Variants in CAMTA1 observed in about 807,000 individuals in gnomAD.
CAMTA1 encodes calmodulin-binding transcription activator 1.
A neutral mutation model predicts 170.9 loss-of-function variants in CAMTA1; 27 were observed. The ratio of observed to expected loss-of-function variants is 0.16; its 90% confidence interval spans 0.12 to 0.22. The LOEUF (loss-of-function observed/expected upper bound fraction) is 0.22. CAMTA1 is among the 10% of genes least tolerant of loss of function. CAMTA1 has a pLI of 1.00. For synonymous variants in CAMTA1, 833 were observed against 891.5 expected, an observed-to-expected ratio of 0.93 and a Z score of 1.17; for missense variants, 1,619 against 2,217.2, an observed-to-expected ratio of 0.73 and a Z score of 5.42.
chr1:7,078,273 A>T (rs1639570411), intron 3 of CAMTA1, among the ~76,000 whole-genome samples: 1 of 152,200 alleles, frequency 6.6e-6, no homozygotes, highest in Admixed American at 6.5e-5. Context: ...ACTGTTCTGG[A>T]AGGACTTATA....
chr1:7,433,729 G>A (rs759686093), intron 5 of CAMTA1, among the ~76,000 whole-genome samples: 17 of 152,194 alleles, frequency 1.1e-4, no homozygotes, highest in African/African-American at 3.4e-4. Context: ...ATTAGTGGCC[G>A]CCAGTGGTTA....
intron 5 of CAMTA1, among the ~76,000 whole-genome samples, chr1:7,284,908 G>A (rs1435169013): frequency 1.3e-5 from 2 of 152,210 alleles, no homozygotes; most frequent in East Asian, 3.8e-4. Context: ...CACAGAACTC[G>A]TGCAAGGAAG....
Position 7,592,957 on chromosome 1 carries a change from C to T in CAMTA1, c.511-47443C>T, listed in dbSNP as rs1021834104. Among the ~76,000 whole-genome samples, 2 of 152,170 alleles carry T rather than the reference C, an allele frequency of 1.3e-5. No homozygotes were observed. Among genetic ancestry groups the T allele is most frequent in the African/African-American group, 4.8e-5 (2 of 41,436 alleles). On this transcript the variant is annotated intron_variant, in intron 6 of 22. Transcript: ENST00000303635. This position sits in a 1 kb window ranked among gnomAD's most constrained non-coding sequence, Gnocchi z 4.6. ...TGCTGTTCCAAGGAGGAAACTGATG[C>T]TCAGAGGCTTATTAAGGAATGTGTC...
intron 3 of CAMTA1, among the ~76,000 whole-genome samples, chr1:7,021,315 C>T (rs555023578): frequency 1.3e-5 from 2 of 152,316 alleles, no homozygotes; most frequent in African/African-American, 2.4e-5. Context: ...GCACCTGAAC[C>T]GGGAGTCTGG....
At chr1:7,104,099 C>A (rs1643269165) in intron 4 of CAMTA1, among the ~76,000 whole-genome samples, 1 of 146,130 alleles carries the variant, frequency 6.8e-6, no homozygotes, top group South Asian at 2.3e-4. Context: ...CACACATACA[C>A]AACTACACAC....
chr1:7,624,811 G>A (rs757291824), intron 6 of CAMTA1, among the ~76,000 whole-genome samples: 1 of 152,252 alleles, frequency 6.6e-6, no homozygotes, highest in Admixed American at 6.5e-5. Flanking sequence ...TGGAAAGAGT[G>A]AGGCTGGCTG....
At chr1:7,191,150 G>A (rs2148947819) in intron 4 of CAMTA1, among the ~76,000 whole-genome samples, 1 of 152,350 alleles carries the variant, frequency 6.6e-6, no homozygotes. Flanking sequence ...GGCATGGGAA[G>A]AGTGCCAGGA....
chr1:7,249,917 G>A lies in CAMTA1; in HGVS notation c.438+291G>A, dbSNP rs1399212324. Among the ~76,000 whole-genome samples, 3 of 152,100 alleles carry A rather than the reference G, an allele frequency of 2.0e-5. No individual in the cohort carries two copies. The highest frequency in any genetic ancestry group is 4.4e-5 in the Non-Finnish European group (3 of 68,024). ...TGGACTCATTTGTTGTATTTATCAC[G>A]GAAGAGCCTCTGGATGCATTGAGAG... On this transcript the variant is annotated intron_variant, in intron 5 of 22. Transcript: ENST00000303635. The surrounding 1 kb of genome is among the most constrained non-coding windows in gnomAD (Gnocchi z 4.4).
intron 5 of CAMTA1, among the ~76,000 whole-genome samples, chr1:7,429,104 T>C (rs765839310): frequency 6.6e-6 from 1 of 152,166 alleles, no homozygotes; most frequent in Non-Finnish European, 1.5e-5. Flanking sequence ...GTTGTCAGAA[T>C]TTGGGAGCCA....
At chr1:7,091,605 C>G (rs12070592) in intron 4 of CAMTA1, among the ~76,000 whole-genome samples, 2 of 152,072 alleles carry the variant, frequency 1.3e-5, no homozygotes, top group African/African-American at 4.8e-5. Flanking sequence ...TTTAACCTGA[C>G]GGCTGCATCC....
At chr1:6,786,770 G>A (rs1204100467) in intron 1 of CAMTA1, among the ~76,000 whole-genome samples, 1 of 152,022 alleles carries the variant, frequency 6.6e-6, no homozygotes, top group African/African-American at 2.4e-5. Flanking sequence ...CTCTCTTCTC[G>A]GAGTTCCTTG....
chr1:7,669,834 AG>A lies in CAMTA1; in HGVS notation c.2653-1076del, dbSNP rs549009329. ...GAGAGCCTCCCTCTACTCAGTGACC[AG>A]CCCCTCTCCTCGGCTAAGCCGTAAG... On this transcript the variant is annotated intron_variant, in intron 9 of 22. Coordinates refer to ENST00000303635, the MANE Select transcript of CAMTA1 (RefSeq NM_015215.4). Among the ~76,000 whole-genome samples the A allele has an allele frequency of 1.7e-4, 26 of 152,312 alleles. 1 individual carries two copies. The South Asian group carries it at 5.0e-3, about 29-fold the overall frequency.
Position 7,007,439 on chromosome 1 carries a change from A to G in CAMTA1, c.235-83865A>G, listed in dbSNP as rs75798909. Among the ~76,000 whole-genome samples, 978 of 152,262 alleles carry G rather than the reference A, an allele frequency of 6.4e-3. 7 individuals are homozygous for G. Among genetic ancestry groups the G allele is most frequent in the African/African-American group, 0.022 (909 of 41,558 alleles). ...TGAGCCAGCCTTGTGGGGCAACAGA[A>G]TGTCACACCCAGGTCCTTCCCTCGC... On this transcript the variant is annotated intron_variant, in intron 3 of 22. Coordinates refer to ENST00000303635, the MANE Select transcript of CAMTA1 (RefSeq NM_015215.4). The surrounding 1 kb of genome is among the most constrained non-coding windows in gnomAD (Gnocchi z 4.5).
At chr1:7,499,373 GTA>G (rs375140418) in intron 6 of CAMTA1, among the ~76,000 whole-genome samples, 1,758 of 144,630 alleles carry the variant, frequency 0.012, 51 homozygotes, top group South Asian at 0.021. Flanking sequence ...GCGTGTGTAT[GTA>G]TATGAGTGTG....
chr1:7,199,158 C>T (rs1187834516), intron 4 of CAMTA1, among the ~76,000 whole-genome samples: 2 of 20,080 alleles, frequency 1.0e-4, no homozygotes, highest in Non-Finnish European at 1.9e-4. Context: ...TTACTGATGC[C>T]CCCCCCAACT....
chr1:6,818,730 C>T (rs1646128209), intron 1 of CAMTA1, among the ~76,000 whole-genome samples: 1 of 152,116 alleles, frequency 6.6e-6, no homozygotes, highest in Non-Finnish European at 1.5e-5. Context: ...CCTCAACTTC[C>T]CGGATTCCAG....
At chr1:6,859,100 C>T (rs1275822690) in intron 3 of CAMTA1, among the ~76,000 whole-genome samples, 1 of 152,088 alleles carries the variant, frequency 6.6e-6, no homozygotes, top group African/African-American at 2.4e-5. Flanking sequence ...AGATTATAAA[C>T]TGATTTTATC....
intron 3 of CAMTA1, among the ~76,000 whole-genome samples, chr1:6,876,365 AT>A (rs879507510): frequency 0.027 from 3,972 of 145,328 alleles, 67 homozygotes; most frequent in Non-Finnish European, 0.033. Context: ...TAATTAATTA[AT>A]TTTTTTTTTT....
intron 4 of CAMTA1, among the ~76,000 whole-genome samples, chr1:7,203,484 G>C (rs989490858): frequency 9.0e-6 from 1 of 111,492 alleles, no homozygotes; most frequent in Admixed American, 9.3e-5. Flanking sequence ...TTTTCCTTGT[G>C]GGTAGTTTTT....
Sources: allele counts gnomAD v4.1 joint callset (sites outside exome capture counted in the v4.1 genomes callset), GRCh38; gene constraint gnomAD v4.1.1; non-coding constraint Gnocchi (gnomAD v3.1); transcripts MANE v1.5; gene names NCBI Gene and HGNC (gene_info 2026-07-23, HGNC 2026-07-21).